SUPT6H: variants seen among roughly 807,000 people sequenced by gnomAD.
SUPT6H encodes the protein SPT6 homolog, histone chaperone and transcription elongation factor, also known as transcription elongation factor SPT6.
Under a neutral mutation model 222.3 loss-of-function variants are expected in SUPT6H, and 11 were observed. That is an observed-to-expected ratio of 0.05 (90% CI 0.03 to 0.08). The LOEUF (loss-of-function observed/expected upper bound fraction) is 0.08, where lower values mean the gene tolerates loss of function less well. Among genes scored for constraint, SUPT6H ranks in the 10% least tolerant of loss-of-function variants. SUPT6H has a pLI of 1.00. For missense variants in SUPT6H, 1,422 were observed against 2,216.0 expected, an observed-to-expected ratio of 0.64 and a Z score of 7.19; for synonymous variants, 762 against 801.2, an observed-to-expected ratio of 0.95 and a Z score of 0.83.
intron 1 of SUPT6H, among the ~76,000 whole-genome samples, chr17:28,665,702 G>A (rs1335109846): frequency 2.6e-5 from 4 of 152,204 alleles, no homozygotes; most frequent in Admixed American, 6.5e-5. Flanking sequence ...GGCGGAGGTT[G>A]CAGTGAGCTG....
In SUPT6H at chr17:28,700,221, A is replaced by G. The variant is rs1389581580; in HGVS notation, c.4610A>G (p.Asn1537Ser). 9.3e-6 allele frequency: 15 copies of G among 1,614,220 alleles called. No individual in the cohort carries two copies. The highest frequency in any genetic ancestry group is 3.3e-5 in the Admixed American group (2 of 60,030). ...AGGACCCGGACACCTGCCTCTATCA[A>G]TGCTACCCCAGCCAACATCAACCTT... ...SSRTRTPASINATPANINLAD... is the reference protein window; with the variant it reads ...SSRTRTPASISATPANINLAD... Residue 1537 changes from asparagine (N) to serine (S), a missense_variant, in exon 34 of 37, where the codon AAT becomes AGT. Asn to Ser is a conservative substitution (Grantham distance 46). This residue lies in a region of SUPT6H where 395 missense variants were observed against 580.6 expected (regional missense o/e 0.68). Transcript: ENST00000314616.
intron 27 of SUPT6H, 27 bp from the exon 28 acceptor site, chr17:28,693,669 A>C (rs779143669): frequency 1.9e-6 from 3 of 1,613,774 alleles, no homozygotes; most frequent in Non-Finnish European, 2.5e-6. Context: ...ATTGATAATC[A>C]AGCTCTTCTC....
intron 32 of SUPT6H, 78 bp downstream of exon 32, chr17:28,698,108 G>C: frequency 6.6e-7 from 1 of 1,514,238 alleles, no homozygotes; most frequent in Non-Finnish European, 8.8e-7. Context: ...CCGGAGCAGT[G>C]CCCTCTCTGG....
At chr17:28,675,208 G>A in intron 5 of SUPT6H, 46 bp downstream of exon 5, 1 of 1,565,492 alleles carries the variant, frequency 6.4e-7, no homozygotes, top group East Asian at 2.2e-5. Flanking sequence ...TGGGTATTGG[G>A]ATTTCCTGGC....
Position 28,678,154 on chromosome 17 carries a change from A to G in SUPT6H, c.1078A>G (p.Lys360Glu). ...AGGGCCCAGCACAATTCAGAAGATC[A>G]AAGAGGCCCTGGGCTTCATGCGAAA... ...RKGPSTIQKI[K>E]EALGFMRNQH... The change falls in exon 9 of 37, where the codon AAA (lysine) becomes GAA (glutamate). Residue 360 changes from lysine to glutamate, a missense_variant. Physicochemically the swap from Lys to Glu is moderately conservative, Grantham distance 56. Coordinates refer to ENST00000314616, the MANE Select transcript of SUPT6H (RefSeq NM_003170.5). 1 of 1,608,568 alleles carries G rather than the reference A, an allele frequency of 6.2e-7. No individual in the cohort carries two copies. Among genetic ancestry groups the G allele is most frequent in the Non-Finnish European group, 8.5e-7 (1 of 1,178,620 alleles).
At chr17:28,679,743 G>A (rs539775624) in intron 11 of SUPT6H, among the ~76,000 whole-genome samples, 2 of 151,904 alleles carry the variant, frequency 1.3e-5, no homozygotes, top group African/African-American at 4.8e-5. Context: ...TGTAATCCTG[G>A]CACTTTGGGA....
At chr17:28,685,968 C>T (rs1405296003) in intron 19 of SUPT6H, among the ~76,000 whole-genome samples, 2 of 152,188 alleles carry the variant, frequency 1.3e-5, no homozygotes, top group East Asian at 3.8e-4. Flanking sequence ...CCATGTTGAC[C>T]TTTTCAAAGG....
chr17:28,674,121 C>T (rs1410793130), intron 2 of SUPT6H, among the ~76,000 whole-genome samples, 162 bp from the exon 3 acceptor site: 2 of 152,144 alleles, frequency 1.3e-5, no homozygotes, highest in African/African-American at 4.8e-5. Context: ...TGCTGCTACT[C>T]TAAGTCAATG....
At chr17:28,667,423 A>G (rs1230597998) in intron 1 of SUPT6H, among the ~76,000 whole-genome samples, 1 of 134,536 alleles carries the variant, frequency 7.4e-6, no homozygotes, top group East Asian at 2.1e-4. Context: ...ATATATATAT[A>G]TATATATATA....
In SUPT6H at chr17:28,692,797, C is replaced by T. The variant is rs1290581906; in HGVS notation, c.3634-899C>T. 7.5e-5 allele frequency among the ~76,000 whole-genome samples: 11 copies of T among 146,848 alleles called. 1 individual carries two copies. The highest frequency in any genetic ancestry group is 4.5e-4 in the South Asian group (2 of 4,432). On this transcript the variant is annotated intron_variant, in intron 27 of 36. Transcript: ENST00000314616. The stretch of plus-strand genomic sequence containing the variant: ...TAGGTGGATCACGAGGTCAGGAGAT[C>T]GAGGCCATCCTGGCTAACACAGTGA...
intron 33 of SUPT6H, 58 bp from the exon 34 acceptor site, chr17:28,700,115 A>G: frequency 1.9e-6 from 3 of 1,611,718 alleles, no homozygotes; most frequent in South Asian, 2.2e-5. Context: ...CACCCCCTGA[A>G]TTGGGAAACC....
Position 28,681,394 on chromosome 17 carries a change from A to G in SUPT6H, c.1488A>G (p.Gly496=), listed in dbSNP as rs776890151. The change falls in exon 12 of 37, where the codon GGA becomes GGG. Residue 496 remains glycine, a synonymous_variant. Coordinates refer to ENST00000314616, the MANE Select transcript of SUPT6H (RefSeq NM_003170.5). ...AGCTGAAGCGTGTCAGGGAAGAGGG[A>G]GATGAAGAAGGTTAGTGCTGGAAAA... is the stretch of plus-strand genomic sequence containing the variant. The part of the protein sequence containing the change: ...RKKLKRVREE[G]DEEGEGDEAE... 6.2e-7 allele frequency: 1 copy of G among 1,601,686 alleles called. No homozygotes were observed. The highest frequency in any genetic ancestry group is 1.1e-5 in the South Asian group (1 of 89,092).
At chr17:28,700,021 C>T (rs1244027097) in intron 33 of SUPT6H, 128 bp downstream of exon 33, 2 of 1,377,024 alleles carry the variant, frequency 1.5e-6, no homozygotes, top group East Asian at 2.3e-5. Context: ...ACTCCTCCTG[C>T]AGCCTCCCAG....
intron 1 of SUPT6H, among the ~76,000 whole-genome samples, chr17:28,672,432 G>A (rs955740269): frequency 6.8e-6 from 1 of 146,216 alleles, no homozygotes. Context: ...CTTTTTTTTC[G>A]AGGCAGATTT....
At position 28,701,695 on chromosome 17, in the gene SUPT6H, C is replaced by G; in HGVS notation, c.*70C>G. 6.8e-7 allele frequency: 1 copy of G among 1,473,096 alleles called. No homozygotes were observed. Among genetic ancestry groups the G allele is most frequent in the East Asian group, 2.3e-5 (1 of 43,810 alleles). 91.3% of individuals were successfully genotyped at this position (1,473,096 alleles called of 1,614,324 possible). A position where few individuals can be genotyped will look rare whatever the true frequency, so the allele number is the denominator to read the frequency against. On this transcript the variant is annotated 3_prime_UTR_variant, in exon 37 of 37. Transcript: ENST00000314616. Reference sequence around the variant, plus strand: ...GCCTGGCTGCCCACTGCCTCCCTCCCTGCCCCTCCTTTTATGTCCATAAAG... The same window carrying G: ...GCCTGGCTGCCCACTGCCTCCCTCCGTGCCCCTCCTTTTATGTCCATAAAG...
At position 28,688,138 on chromosome 17, in the gene SUPT6H, C is replaced by T. The variant is rs1473121203; in HGVS notation, c.3054C>T (p.Val1018=). The T allele has an allele frequency of 1.9e-6, 3 of 1,613,422 alleles. No homozygotes were observed. In the African/African-American group the frequency reaches 4.0e-5, roughly 22 times the overall value. ...GGCTCGAGAGCCGGACCCAGCTGGT[C>T]ACCATGTGCCACATGGGTCCCAAAG... ...NTRLESRTQL[V]TMCHMGPKVF... Residue 1018 remains valine, a synonymous_variant, in exon 24 of 37, where the codon GTC becomes GTT. Transcript: ENST00000314616. This position sits in a 1 kb window ranked among gnomAD's most constrained non-coding sequence, Gnocchi z 4.3.
intron 1 of SUPT6H, among the ~76,000 whole-genome samples, chr17:28,666,712 C>G (rs1459417371): frequency 6.6e-6 from 1 of 152,002 alleles, no homozygotes; most frequent in African/African-American, 2.4e-5. Flanking sequence ...CCACCACACC[C>G]GGCTAATTTT....
rs2030848281 is a variant in SUPT6H at position 28,677,793 on chromosome 17, G to A, written c.976G>A (p.Ala326Thr). The change falls in exon 8 of 37, where the codon GCC (alanine) becomes ACC (threonine). Residue 326 changes from alanine to threonine, a missense_variant. Coordinates refer to ENST00000314616, the MANE Select transcript of SUPT6H (RefSeq NM_003170.5). ...EADWIYRNAFATPTISLQESC... is the reference protein window; with the variant it reads ...EADWIYRNAFTTPTISLQESC... ...TGACTGGATCTACAGGAATGCTTTT[G>A]CCACACCAACCATTTCTCTCCAGGT... 6.2e-7 allele frequency: 1 copy of A among 1,614,164 alleles called. No homozygotes were observed. The highest frequency in any genetic ancestry group is 1.1e-5 in the South Asian group (1 of 91,078).
chr17:28,667,987 T>C (rs1415786666), intron 1 of SUPT6H, among the ~76,000 whole-genome samples: 1 of 151,860 alleles, frequency 6.6e-6, no homozygotes, highest in East Asian at 1.9e-4. Flanking sequence ...TTCACTCTGG[T>C]CTCCTCTTAA....
Sources: allele counts gnomAD v4.1 joint callset (sites outside exome capture counted in the v4.1 genomes callset), GRCh38; gene constraint gnomAD v4.1.1; regional missense constraint gnomAD v4.1.1; non-coding constraint Gnocchi (gnomAD v3.1); transcripts MANE v1.5; gene names NCBI Gene and HGNC (gene_info 2026-07-23, HGNC 2026-07-21).